Variants in NOX3 observed in about 807,000 individuals in gnomAD.
NOX3 encodes NADPH oxidase catalytic subunit-like 3.
A neutral mutation model predicts 76.7 loss-of-function variants in NOX3; 74 were observed. That is an observed-to-expected ratio of 0.96 (90% CI 0.80 to 1.17). The LOEUF is 1.17. Ranked by LOEUF, NOX3 falls within the 50% of genes most tolerant of loss-of-function variation. NOX3 has a pLI of 0.00. For synonymous variants in NOX3, 263 were observed against 261.1 expected (o/e 1.01, Z -0.07); for missense variants, 695 against 703.3 (o/e 0.99, Z 0.13).
intron 12 of NOX3, among the ~76,000 whole-genome samples, chr6:155,405,779 C>G (rs1776449324): frequency 6.6e-6 from 1 of 152,184 alleles, no homozygotes; most frequent in Admixed American, 6.5e-5. Context: ...CTGCTGCTCC[C>G]TAATCCAAAC....
At chr6:155,399,621 C>A (rs981918701) in intron 12 of NOX3, among the ~76,000 whole-genome samples, 1 of 152,120 alleles carries the variant, frequency 6.6e-6, no homozygotes, top group Non-Finnish European at 1.5e-5. Flanking sequence ...TTACTCTTCT[C>A]GGCATTTGTG....
At chr6:155,396,745 T>G in intron 13 of NOX3, 64 bp downstream of exon 13, 1 of 1,358,064 alleles carries the variant, frequency 7.4e-7, no homozygotes, top group East Asian at 2.4e-5. Flanking sequence ...CTAAAATGAT[T>G]ACTGTTTGGC....
intron 10 of NOX3, among the ~76,000 whole-genome samples, chr6:155,416,063 C>T (rs1776617926): frequency 6.6e-6 from 1 of 152,212 alleles, no homozygotes; most frequent in Non-Finnish European, 1.5e-5. Flanking sequence ...GGAAGCCCCT[C>T]ACCAGGCTCG....
intron 12 of NOX3, among the ~76,000 whole-genome samples, chr6:155,399,855 C>T (rs779626246): frequency 1.4e-4 from 21 of 152,002 alleles, no homozygotes; most frequent in African/African-American, 3.1e-4. Flanking sequence ...AGAGATTCTC[C>T]GCAAAAGAAG....
intron 4 of NOX3, among the ~76,000 whole-genome samples, chr6:155,449,755 A>G (rs1777110889): frequency 6.6e-6 from 1 of 152,162 alleles, no homozygotes; most frequent in African/African-American, 2.4e-5. Context: ...TGGCATGCAA[A>G]CTTCGATGTG....
intron 12 of NOX3, among the ~76,000 whole-genome samples, chr6:155,398,884 G>A (rs1046069991): frequency 6.6e-6 from 1 of 152,172 alleles, no homozygotes; most frequent in Non-Finnish European, 1.5e-5. Flanking sequence ...TTGCAGGTCT[G>A]GCCGCTGGTC....
At chr6:155,426,984 C>CGTGTGCGT (rs1554263747) in intron 9 of NOX3, among the ~76,000 whole-genome samples, 6,916 of 41,612 alleles carry the variant, frequency 0.17, 666 homozygotes, top group Non-Finnish European at 0.2. Context: ...GACACTGTGG[C>CGTGTGCGT]GTGTGTGTGT....
intron 9 of NOX3, among the ~76,000 whole-genome samples, chr6:155,423,108 G>T (rs891312009): frequency 6.6e-6 from 1 of 152,122 alleles, no homozygotes; most frequent in East Asian, 1.9e-4. Context: ...GACATCTCTC[G>T]CTATAGCTCA....
intron 3 of NOX3, among the ~76,000 whole-genome samples, chr6:155,454,321 T>C (rs1777183990): frequency 6.6e-6 from 1 of 152,214 alleles, no homozygotes; most frequent in South Asian, 2.1e-4. Context: ...CTATTTTGTT[T>C]GACAGGAAGC....
chr6:155,421,278 C>T (rs1260187495), intron 10 of NOX3, among the ~76,000 whole-genome samples: 1 of 152,134 alleles, frequency 6.6e-6, no homozygotes, highest in Non-Finnish European at 1.5e-5. Flanking sequence ...GCTTCAGGTT[C>T]CTTACCTGGA....
intron 12 of NOX3, among the ~76,000 whole-genome samples, chr6:155,402,583 A>G (rs1779245886): frequency 6.6e-6 from 1 of 151,558 alleles, no homozygotes; most frequent in Admixed American, 6.6e-5. Flanking sequence ...TATTACTGTT[A>G]TTTTTGCAAT....
intron 4 of NOX3, among the ~76,000 whole-genome samples, chr6:155,452,335 C>G (rs568680162): frequency 1.3e-5 from 2 of 152,338 alleles, no homozygotes; most frequent in South Asian, 4.1e-4. Context: ...TACGCATACT[C>G]AGCACTACTG....
At chr6:155,452,344 T>G (rs1204484177) in intron 4 of NOX3, among the ~76,000 whole-genome samples, 1 of 152,234 alleles carries the variant, frequency 6.6e-6, no homozygotes, top group Non-Finnish European at 1.5e-5. Flanking sequence ...TCAGCACTAC[T>G]GTGGGCCTTG....
At chr6:155,421,995 T>C (rs1299603158) in intron 10 of NOX3, among the ~76,000 whole-genome samples, 2 of 152,126 alleles carry the variant, frequency 1.3e-5, no homozygotes, top group Non-Finnish European at 2.9e-5. Flanking sequence ...GGACAAAGGG[T>C]TAAGCAGAGA....
At chr6:155,443,885 TCTC>T (rs1395072597) in intron 4 of NOX3, among the ~76,000 whole-genome samples, 2 of 151,338 alleles carry the variant, frequency 1.3e-5, no homozygotes, top group African/African-American at 2.4e-5. Context: ...ATAAAGTAAA[TCTC>T]AGTTCATCAT....
At chr6:155,449,159 C>A (rs1342831842) in intron 4 of NOX3, among the ~76,000 whole-genome samples, 1 of 152,114 alleles carries the variant, frequency 6.6e-6, no homozygotes, top group Non-Finnish European at 1.5e-5. Flanking sequence ...ATTTTCTGGG[C>A]ACCCTTATTC....
chr6:155,443,442 A>G (rs756053854), intron 4 of NOX3, 24 bp from the exon 5 acceptor site: 2 of 1,609,780 alleles, frequency 1.2e-6, no homozygotes, highest in Admixed American at 1.7e-5. Flanking sequence ...ATGACACCAA[A>G]CATGCACCCT....
At chr6:155,413,833 T>G (rs1023089740) in intron 10 of NOX3, among the ~76,000 whole-genome samples, 1 of 152,186 alleles carries the variant, frequency 6.6e-6, no homozygotes, top group Non-Finnish European at 1.5e-5. Context: ...AGGAACATGC[T>G]TAAAACACAT....
chr6:155,444,829 C>T (rs1472479235), intron 4 of NOX3, among the ~76,000 whole-genome samples: 2 of 152,118 alleles, frequency 1.3e-5, no homozygotes, highest in African/African-American at 2.4e-5. Flanking sequence ...ATGTATACCC[C>T]GCAGACAAGG....
Sources: allele counts gnomAD v4.1 joint callset (sites outside exome capture counted in the v4.1 genomes callset), GRCh38; gene constraint gnomAD v4.1.1; transcripts MANE v1.5; gene names NCBI Gene and HGNC (gene_info 2026-07-23, HGNC 2026-07-21).